KRT72: variants seen among roughly 807,000 people sequenced by gnomAD.
KRT72 encodes keratin 72, also known as keratin, type II cytoskeletal 72.
In KRT72, 44 loss-of-function variants were observed where a neutral mutation model predicts 44.7. The observed-to-expected ratio is 0.98, with a 90% CI of 0.77 to 1.27. The LOEUF is 1.27. Ranked by LOEUF, KRT72 falls within the 50% of genes most tolerant of loss-of-function variation. The probability of loss-of-function intolerance (pLI) is 0.00; values close to 1 mark genes in which losing one functional copy is unlikely to be tolerated. For missense variants in KRT72, 736 were observed against 667.1 expected (o/e 1.10, Z -1.14); for synonymous variants, 302 against 280.4 (o/e 1.08, Z -0.77).
At chr12:52,592,830 A>G in intron 3 of KRT72, 62 bp downstream of exon 3, 3 of 1,453,100 alleles carry the variant, frequency 2.1e-6, no homozygotes, top group Non-Finnish European at 2.9e-6. Context: ...TCACCCTACA[A>G]GCATCATTGT....
At position 52,585,994 on chromosome 12, in the gene KRT72, C is replaced by A; in HGVS notation, c.1524G>T (p.Lys508Asn). Residue 508 changes from lysine (K) to asparagine (N), a missense_variant, in exon 9 of 9, where the codon AAG becomes AAT. By Grantham distance (94) the Lys-to-Asn change is moderately conservative (BLOSUM62 0). Coordinates refer to ENST00000293745, the MANE Select transcript of KRT72 (RefSeq NM_080747.3). ...KTSGSSCATK[K>N]ASR is the part of the protein sequence containing the mutation. The stretch of plus-strand genomic sequence containing the variant: ...AACCACTTGTCCATCATCTGGAGGC[C>A]TTTTTGGTGGCACAGCTGCTCCCCG... The A allele has an allele frequency of 6.2e-7, 1 of 1,613,082 alleles. No individual in the cohort carries two copies. Among genetic ancestry groups the A allele is most frequent in the South Asian group, 1.1e-5 (1 of 90,984 alleles).
chr12:52,602,879 C>T (rs1310718787), upstream of KRT72, among the ~76,000 whole-genome samples: 3 of 152,156 alleles, frequency 2.0e-5, no homozygotes, highest in Admixed American at 6.5e-5. Flanking sequence ...ACAGCCGAAG[C>T]GTTTACTCCA....
chr12:52,594,389 G>A (rs1940164626), intron 2 of KRT72, among the ~76,000 whole-genome samples: 1 of 152,080 alleles, frequency 6.6e-6, no homozygotes, highest in Admixed American at 6.5e-5. Flanking sequence ...ACTGGATTAA[G>A]AAAATGCGGC....
At chr12:52,598,265 G>A (rs1381641254) in intron 2 of KRT72, among the ~76,000 whole-genome samples, 1 of 152,178 alleles carries the variant, frequency 6.6e-6, no homozygotes, top group African/African-American at 2.4e-5. Context: ...TATGGAGCAA[G>A]AGAAAGAACT....
At position 52,601,314 on chromosome 12, in the gene KRT72, T is replaced by C. The variant is rs146851850; in HGVS notation, c.139A>G (p.Lys47Glu). 1.1e-3 allele frequency: 1,701 copies of C among 1,547,640 alleles called. 23 individuals are homozygous for C. In the East Asian group the frequency reaches 0.031, roughly 28 times the overall value. Residue 47 changes from lysine to glutamate, a missense_variant, in exon 1 of 9, where the codon AAG (lysine) becomes GAG (glutamate). Coordinates refer to ENST00000293745, the MANE Select transcript of KRT72 (RefSeq NM_080747.3). ...RVKGSASFGSKSLSCLGGSRS... is the reference protein window; with the variant it reads ...RVKGSASFGSESLSCLGGSRS... ...CTGCCCCCAAGGCAGGAGAGGCTCT[T>C]GCTGCCAAAGGAGGCCGAGCCCTTG...
At chr12:52,593,780 CA>C (rs1156982293) in intron 2 of KRT72, among the ~76,000 whole-genome samples, 5 of 152,076 alleles carry the variant, frequency 3.3e-5, no homozygotes, top group Non-Finnish European at 7.4e-5. Flanking sequence ...ACAAATATTC[CA>C]AAAGACAAAT....
chr12:52,599,181 C>T, intron 1 of KRT72, 69 bp from the exon 2 acceptor site: 1 of 1,505,914 alleles, frequency 6.6e-7, no homozygotes. Context: ...GGAAAGGGCC[C>T]CAAAAACCAG....
rs769678993 is a variant in KRT72 at position 52,586,186 on chromosome 12, G to A, written c.1346-14C>T. ...TGCTGATGACGGCTGGAATGGATGA[G>A]AGAAGACCTCAGCCCCCGTCAGCTC... On this transcript the variant is annotated splice_polypyrimidine_tract_variant and intron_variant, in intron 8 of 8. Coordinates refer to ENST00000293745, the MANE Select transcript of KRT72 (RefSeq NM_080747.3). 5.0e-6 allele frequency: 8 copies of A among 1,608,034 alleles called. No homozygotes were observed. The Admixed American group carries it at 1.3e-4, about 27-fold the overall frequency.
In KRT72 at chr12:52,587,740, C is replaced by A; in HGVS notation, c.1201G>T (p.Glu401Ter). The change falls in exon 7 of 9, where the codon GAG becomes TAG. Residue 401 changes from glutamate (E) to a stop codon, truncating the protein, a stop_gained. Transcript: ENST00000293745. LOFTEE classifies it high-confidence loss of function. ...TCACGCAGCATCCGTGCCAGCTCCT[C>A]CTTGGCCTGGTGCAGGGCGCCCTCC... ...ELEGALHQAKEELARMLREYQ... is the reference protein window; with the variant it reads ...ELEGALHQAK The A allele has an allele frequency of 6.2e-7, 1 of 1,614,216 alleles. No individual in the cohort carries two copies. Among genetic ancestry groups the A allele is most frequent in the Non-Finnish European group, 8.5e-7 (1 of 1,180,040 alleles).
chr12:52,599,526 T>C lies in KRT72; in HGVS notation c.427-414A>G, dbSNP rs570059160. ...TGTAGCCTAAATTGCACTTGGTTTG[T>C]TCATTTCTTTGTTGTTCACAGCAAG... On this transcript the variant is annotated intron_variant, in intron 1 of 8. Coordinates refer to ENST00000293745, the MANE Select transcript of KRT72 (RefSeq NM_080747.3). 14 of 450,254 alleles carry C rather than the reference T, an allele frequency of 3.1e-5. No homozygotes were observed. The East Asian group carries it at 9.8e-4, about 31-fold the overall frequency. The allele number at this position is 450,254 out of a possible 1,614,324, so 27.9% of individuals were successfully genotyped here.
At chr12:52,591,359 T>TACACACACAC in intron 5 of KRT72, 105 bp downstream of exon 5, 26 of 1,127,172 alleles carry the variant, frequency 2.3e-5, no homozygotes, top group East Asian at 2.7e-5. Context: ...TGAGCCCAAA[T>TACACACACAC]ACACACACAC....
At chr12:52,600,091 C>T (rs1301162685) in intron 1 of KRT72, among the ~76,000 whole-genome samples, 4 of 152,148 alleles carry the variant, frequency 2.6e-5, no homozygotes, top group African/African-American at 9.7e-5. Flanking sequence ...CCAGAGACAA[C>T]TTCCCTATTA....
In KRT72 at chr12:52,592,958, T is replaced by C. The variant is rs1476678379; in HGVS notation, c.642-6A>G. The stretch of plus-strand genomic sequence containing the variant: ...TGTTAATCTCCACCTCATACCTGCA[T>C]GGGGCAAGACAATGAGGTAATTCAG... On this transcript the variant is annotated splice_region_variant and splice_polypyrimidine_tract_variant and intron_variant, in intron 2 of 8. Coordinates refer to ENST00000293745, the MANE Select transcript of KRT72 (RefSeq NM_080747.3). The C allele has an allele frequency of 3.1e-6, 5 of 1,613,140 alleles. No homozygotes were observed. In the African/African-American group the frequency reaches 6.7e-5, roughly 22 times the overall value.
upstream of KRT72, chr12:52,601,651 G>T: frequency 1.7e-6 from 1 of 594,350 alleles, no homozygotes; most frequent in Non-Finnish European, 2.9e-6. Flanking sequence ...CGAGATTTTT[G>T]TCTGTTCCAC....
Position 52,598,984 on chromosome 12 carries a change from C to A in KRT72, c.555G>T (p.Lys185Asn), listed in dbSNP as rs1940315541. ...IYEGYISNLQ[K>N]QLEMLSGDGV... is the part of the protein sequence containing the mutation. ...CGTCCCCAGACAGCATCTCCAGCTG[C>A]TTCTGCAGGTTGCTGATGTAGCCCT... The change falls in exon 2 of 9, where the codon AAG becomes AAT. Residue 185 changes from lysine to asparagine, a missense_variant. Lys to Asn is a moderately conservative substitution (Grantham distance 94, BLOSUM62 0). Transcript: ENST00000293745. 6.2e-7 allele frequency: 1 copy of A among 1,614,220 alleles called. No homozygotes were observed. The highest frequency in any genetic ancestry group is 1.1e-5 in the South Asian group (1 of 91,084).
At chr12:52,588,883 C>G (rs1408412448) in intron 6 of KRT72, among the ~76,000 whole-genome samples, 2 of 151,888 alleles carry the variant, frequency 1.3e-5, no homozygotes, top group Non-Finnish European at 2.9e-5. Flanking sequence ...GCCTGTGGTC[C>G]CAGCTACTCG....
At chr12:52,587,153 A>T (rs991050578) in intron 7 of KRT72, among the ~76,000 whole-genome samples, 173 bp from the exon 8 acceptor site, 4 of 151,970 alleles carry the variant, frequency 2.6e-5, no homozygotes, top group African/African-American at 9.7e-5. Flanking sequence ...TAGAAAACTG[A>T]GATGAAAATC....
rs1939721104 is a variant in KRT72, at chr12:52,585,916, G to T, written c.*66C>A. On this transcript the variant is annotated 3_prime_UTR_variant, in exon 9 of 9. Coordinates refer to ENST00000293745, the MANE Select transcript of KRT72 (RefSeq NM_080747.3). ...TTTCTTGACTTGGAAAGGGAGCCCA[G>T]GGAAGGAGAGGGAGGAGACGGGTGA... The T allele has an allele frequency of 7.1e-7, 1 of 1,416,106 alleles. No individual in the cohort carries two copies. The highest frequency in any genetic ancestry group is 1.4e-5 in the African/African-American group (1 of 70,412). 87.7% of individuals were successfully genotyped at this position (1,416,106 alleles called of 1,614,324 possible). A position where few individuals can be genotyped will look rare whatever the true frequency, so the allele number is the denominator to read the frequency against.
intron 2 of KRT72, among the ~76,000 whole-genome samples, chr12:52,593,286 C>T (rs1295675743): frequency 1.3e-5 from 2 of 152,204 alleles, no homozygotes; most frequent in East Asian, 3.9e-4. Context: ...TCCCTTCTGG[C>T]ACATGGCATC....
Sources: gnomAD v4.1 joint callset for allele counts (sites outside exome capture counted in the v4.1 genomes callset) on GRCh38, gnomAD v4.1.1 for gene constraint, MANE v1.5 for transcripts, NCBI Gene and HGNC (gene_info 2026-07-23, HGNC 2026-07-21) for gene names.